The following CFAP299 variants were observed in gnomAD, a reference collection of about 807,000 sequenced individuals.
The protein encoded by CFAP299 is cilia and flagella associated protein 299.
A neutral mutation model predicts 27.0 loss-of-function variants in CFAP299; 21 were observed. The observed-to-expected ratio is 0.78, with a 90% CI of 0.55 to 1.12. CFAP299 has a LOEUF of 1.12. Among genes scored for constraint, CFAP299 ranks in the 50% most tolerant of loss-of-function variants. The probability of loss-of-function intolerance (pLI) is 0.00; values close to 1 mark genes in which losing one functional copy is unlikely to be tolerated. For synonymous variants in CFAP299, 104 were observed against 98.1 expected (o/e 1.06, Z -0.36); for missense variants, 310 against 276.6 (o/e 1.12, Z -0.86).
At chr4:80,588,977 A>C (rs1364773878) in intron 3 of CFAP299, among the ~76,000 whole-genome samples, 1 of 152,182 alleles carries the variant, frequency 6.6e-6, no homozygotes, top group Non-Finnish European at 1.5e-5. Flanking sequence ...TTAAATTCAA[A>C]TCTAGGCAGT....
At chr4:80,855,675 C>T (rs1316726475) in intron 3 of CFAP299, among the ~76,000 whole-genome samples, 10 of 152,046 alleles carry the variant, frequency 6.6e-5, no homozygotes, top group Non-Finnish European at 1.2e-4. Context: ...TTTGTTCTTG[C>T]GATAGTTTAC....
intron 1 of CFAP299, among the ~76,000 whole-genome samples, chr4:80,343,451 G>T (rs1722561638): frequency 6.6e-6 from 1 of 152,096 alleles, no homozygotes; most frequent in Non-Finnish European, 1.5e-5. Flanking sequence ...AAATGCAAAA[G>T]AACTGAAATA....
intron 3 of CFAP299, among the ~76,000 whole-genome samples, chr4:80,711,610 T>A (rs1722178165): frequency 6.6e-6 from 1 of 152,128 alleles, no homozygotes; most frequent in South Asian, 2.1e-4. Context: ...TTGAGTGACT[T>A]GTCTTAGGGT....
chr4:80,868,905 C>CTCTCTGTGTGTGTGTG (rs1435285713), intron 3 of CFAP299, among the ~76,000 whole-genome samples: 47 of 137,680 alleles, frequency 3.4e-4, no homozygotes, highest in African/African-American at 1.1e-3. Context: ...GCTTCTCTCT[C>CTCTCTGTGTGTGTGTG]TGTGTGTGTG....
At chr4:80,857,802 G>C (rs1732018570) in intron 3 of CFAP299, among the ~76,000 whole-genome samples, 1 of 152,156 alleles carries the variant, frequency 6.6e-6, no homozygotes, top group Non-Finnish European at 1.5e-5. Flanking sequence ...GCTGGATTTG[G>C]TTTGGCAGTA....
chr4:80,613,624 C>A (rs1738114600), intron 3 of CFAP299, among the ~76,000 whole-genome samples: 4 of 152,096 alleles, frequency 2.6e-5, no homozygotes, highest in African/African-American at 9.7e-5. Flanking sequence ...CAGTGTTCTA[C>A]AAAATGCAGT....
At chr4:80,929,407 CA>C (rs1203240237) in intron 4 of CFAP299, among the ~76,000 whole-genome samples, 1 of 151,890 alleles carries the variant, frequency 6.6e-6, no homozygotes, top group Non-Finnish European at 1.5e-5. Flanking sequence ...TCTGTGGCAC[CA>C]CTATCCATCC....
intron 4 of CFAP299, among the ~76,000 whole-genome samples, chr4:80,941,405 T>C (rs1194364255): frequency 1.3e-5 from 2 of 152,202 alleles, no homozygotes; most frequent in Non-Finnish European, 2.9e-5. Flanking sequence ...TGTTTGATTT[T>C]GTAGAAACCG....
rs60281600 is a variant in CFAP299, at chr4:80,929,927, A to G, written c.477-14883A>G. Among the ~76,000 whole-genome samples, 548 of 152,268 alleles carry G rather than the reference A, an allele frequency of 3.6e-3. 2 individuals are homozygous for G. The highest frequency in any genetic ancestry group is 0.012 in the African/African-American group (515 of 41,556). On this transcript the variant is annotated intron_variant, in intron 4 of 5. Transcript: ENST00000358105. The stretch of plus-strand genomic sequence containing the variant: ...TTGGCCTTCTTTCCCATCTCCTGGC[A>G]TATAACTCCTAAAATTCTTGGACTC...
Position 80,337,398 on chromosome 4 carries a change from ATT to A in CFAP299, c.111+1535_111+1536del, listed in dbSNP as rs1330672953. Among the ~76,000 whole-genome samples, 956 of 142,670 alleles carry A rather than the reference ATT, an allele frequency of 6.7e-3. 2 individuals are homozygous for A. The highest frequency in any genetic ancestry group is 0.025 in the Middle Eastern group (7 of 278). The allele number at this position is 142,670 out of a possible 152,430, so 93.6% of individuals were successfully genotyped here. ...AATAATTTGTGTTTCATCAATCAGAATTTTTTTTTTTTTTTTTGAGATAGAGT... is the reference window on the plus strand; with the variant it reads ...AATAATTTGTGTTTCATCAATCAGAATTTTTTTTTTTTTTTGAGATAGAGT... On this transcript the variant is annotated intron_variant, in intron 1 of 5. Transcript: ENST00000358105.
intron 3 of CFAP299, among the ~76,000 whole-genome samples, chr4:80,644,370 T>TTAA (rs1490468681): frequency 6.6e-6 from 1 of 152,142 alleles, no homozygotes; most frequent in African/African-American, 2.4e-5. Flanking sequence ...TTCACTCAGG[T>TTAA]TAATGAGTAC....
chr4:80,703,823 G>T (rs529262856), intron 3 of CFAP299, among the ~76,000 whole-genome samples: 60 of 151,616 alleles, frequency 4.0e-4, no homozygotes, highest in Non-Finnish European at 7.2e-4. Context: ...CTATGTCTTA[G>T]CTCATCTTCA....
chr4:80,889,867 C>CA (rs1004354444), intron 4 of CFAP299, among the ~76,000 whole-genome samples: 1 of 151,848 alleles, frequency 6.6e-6, no homozygotes, highest in Non-Finnish European at 1.5e-5. Flanking sequence ...GAATGAAGGA[C>CA]AAAAAACATA....
Position 80,651,815 on chromosome 4 carries a change from T to C in CFAP299, c.333+68632T>C, listed in dbSNP as rs562264869. ...ACACAGGTAAACTTTGAATTGTCAG[T>C]TGACCATATATCATTCTAATAATCT... is the stretch of plus-strand genomic sequence containing the variant. On this transcript the variant is annotated intron_variant, in intron 3 of 5. Coordinates refer to ENST00000358105, the MANE Select transcript of CFAP299 (RefSeq NM_152770.3). 2.0e-5 allele frequency among the ~76,000 whole-genome samples: 3 copies of C among 151,988 alleles called. No homozygotes were observed. The East Asian group carries it at 5.8e-4, about 29-fold the overall frequency.
At chr4:80,698,194 TG>T (rs901841864) in intron 3 of CFAP299, among the ~76,000 whole-genome samples, 7 of 152,160 alleles carry the variant, frequency 4.6e-5, no homozygotes, top group Non-Finnish European at 1.0e-4. Flanking sequence ...TTTTATAAAA[TG>T]GGGTAAATAA....
chr4:80,909,061 GT>G (rs1239852981), intron 4 of CFAP299, among the ~76,000 whole-genome samples: 3 of 152,196 alleles, frequency 2.0e-5, no homozygotes, highest in Admixed American at 2.0e-4. Flanking sequence ...TACATACATA[GT>G]TTTGTAAATT....
At chr4:80,693,336 G>A (rs1720863203) in intron 3 of CFAP299, among the ~76,000 whole-genome samples, 1 of 151,818 alleles carries the variant, frequency 6.6e-6, no homozygotes, top group Non-Finnish European at 1.5e-5. Flanking sequence ...AGAAAATGTG[G>A]CACATATACA....
chr4:80,890,028 A>G (rs757941705), intron 4 of CFAP299, among the ~76,000 whole-genome samples: 3 of 152,126 alleles, frequency 2.0e-5, no homozygotes, highest in Non-Finnish European at 2.9e-5. Flanking sequence ...ATACTGAATG[A>G]GGTAAAACTG....
intron 4 of CFAP299, among the ~76,000 whole-genome samples, chr4:80,921,708 A>C (rs1736055264): frequency 6.6e-6 from 1 of 151,884 alleles, no homozygotes. Flanking sequence ...TGTGCAAAAC[A>C]CCCCTGGAGG....
Sources: gnomAD v4.1 joint callset for allele counts (sites outside exome capture counted in the v4.1 genomes callset) on GRCh38, gnomAD v4.1.1 for gene constraint, MANE v1.5 for transcripts, NCBI Gene and HGNC (gene_info 2026-07-23, HGNC 2026-07-21) for gene names.